ADAMTS2: variants seen among roughly 807,000 people sequenced by gnomAD.
ADAMTS2 encodes the protein ADAM metallopeptidase with thrombospondin type 1 motif 2, also known as A disintegrin and metalloproteinase with thrombospondin motifs 2.
ADAMTS2 carries 50 observed loss-of-function variants against 123.0 expected under a neutral mutation model. That is an observed-to-expected ratio of 0.41 (90% CI 0.32 to 0.51). ADAMTS2 has a LOEUF of 0.51. Among genes scored for constraint, ADAMTS2 ranks in the 20% least tolerant of loss-of-function variants. The pLI is 0.35. For synonymous variants in ADAMTS2, 678 were observed against 695.4 expected (o/e 0.98, Z 0.39); for missense variants, 1,494 against 1,705.2 (o/e 0.88, Z 2.18).
At position 179,116,865 on chromosome 5, in the gene ADAMTS2, A is replaced by G. The variant is rs539121981; in HGVS notation, c.3179-2541T>C. ...CACCATGAAAAGGGAGTTAAAACCCATCGGCCATCAGGAGAAGTGGGGATC... is the reference window on the plus strand; with the variant it reads ...CACCATGAAAAGGGAGTTAAAACCCGTCGGCCATCAGGAGAAGTGGGGATC... On this transcript the variant is annotated intron_variant, in intron 21 of 21. Coordinates refer to ENST00000251582, the MANE Select transcript of ADAMTS2 (RefSeq NM_014244.5). Among the ~76,000 whole-genome samples, 3 of 152,278 alleles carry G rather than the reference A, an allele frequency of 2.0e-5. No individual in the cohort carries two copies. The East Asian group carries it at 5.8e-4, about 29-fold the overall frequency.
chr5:179,125,354 T>C (rs1208242267), intron 18 of ADAMTS2, among the ~76,000 whole-genome samples, 174 bp from the exon 19 acceptor site: 1 of 152,198 alleles, frequency 6.6e-6, no homozygotes, highest in East Asian at 1.9e-4. Flanking sequence ...TGTCCAGGCT[T>C]GCACAGAGGG....
At chr5:179,153,462 G>T in intron 9 of ADAMTS2, 29 bp downstream of exon 9, 1 of 1,604,102 alleles carries the variant, frequency 6.2e-7, no homozygotes, top group Non-Finnish European at 8.5e-7. Context: ...AGACCTGGGA[G>T]GGTCCCGGCT....
chr5:179,253,318 C>T (rs1581221895), intron 3 of ADAMTS2, among the ~76,000 whole-genome samples: 1 of 152,198 alleles, frequency 6.6e-6, no homozygotes, highest in Non-Finnish European at 1.5e-5. Flanking sequence ...GTTTTTCTGT[C>T]CTTTTTTCTC....
intron 2 of ADAMTS2, among the ~76,000 whole-genome samples, chr5:179,274,852 G>A (rs907838675): frequency 6.6e-6 from 1 of 152,248 alleles, no homozygotes; most frequent in African/African-American, 2.4e-5. Context: ...GGAACACAGA[G>A]CCCAGCATCA....
At chr5:179,339,373 T>C (rs1396645417) in intron 2 of ADAMTS2, among the ~76,000 whole-genome samples, 1 of 152,158 alleles carries the variant, frequency 6.6e-6, no homozygotes, top group Non-Finnish European at 1.5e-5. Flanking sequence ...AATTCTGAAA[T>C]GAACACTGAG....
chr5:179,132,665 C>T lies in ADAMTS2; in HGVS notation c.2209+112G>A, dbSNP rs1353291993. On this transcript the variant is annotated intron_variant, in intron 14 of 21. Transcript: ENST00000251582. This position sits in a 1 kb window ranked among gnomAD's most constrained non-coding sequence, Gnocchi z 6.1. Reference sequence around the variant, plus strand: ...AGTGTCACAGACCTCTCCCCCTCCCCAGAACAGTCATAAGCCCGGACAGCC... The same window carrying T: ...AGTGTCACAGACCTCTCCCCCTCCCTAGAACAGTCATAAGCCCGGACAGCC... 2.9e-5 allele frequency: 44 copies of T among 1,505,948 alleles called. No individual in the cohort carries two copies. Among genetic ancestry groups the T allele is most frequent in the Admixed American group, 5.1e-5 (3 of 59,268 alleles). 93.3% of individuals were successfully genotyped at this position (1,505,948 alleles called of 1,614,324 possible). A position where few individuals can be genotyped will look rare whatever the true frequency, so the allele number is the denominator to read the frequency against.
chr5:179,114,449 C>A, intron 21 of ADAMTS2, 125 bp from the exon 22 acceptor site: 1 of 951,146 alleles, frequency 1.1e-6, no homozygotes, highest in South Asian at 1.4e-5. Flanking sequence ...GGCAAGTGAG[C>A]CCAGGCAGAA....
intron 6 of ADAMTS2, among the ~76,000 whole-genome samples, chr5:179,157,631 G>A (rs952827381): frequency 2.6e-5 from 4 of 151,318 alleles, no homozygotes; most frequent in African/African-American, 9.7e-5. Context: ...TCAGGTTCCC[G>A]AGTGGCTGGG....
rs1764010348 is a variant in ADAMTS2, at chr5:179,180,013, C to T, written c.975+1059G>A. Among the ~76,000 whole-genome samples, 1 of 152,154 alleles carries T rather than the reference C, an allele frequency of 6.6e-6. No individual in the cohort carries two copies. Among genetic ancestry groups the T allele is most frequent in the Admixed American group, 6.5e-5 (1 of 15,272 alleles). On this transcript the variant is annotated intron_variant, in intron 5 of 21. Coordinates refer to ENST00000251582, the MANE Select transcript of ADAMTS2 (RefSeq NM_014244.5). This position sits in a 1 kb window ranked among gnomAD's most constrained non-coding sequence, Gnocchi z 4.6. ...GCCTGACTCCTCGGGTGCTGGATGGCCCTGGCTGCTTACCTGGGCATGTCA... is the reference window on the plus strand; with the variant it reads ...GCCTGACTCCTCGGGTGCTGGATGGTCCTGGCTGCTTACCTGGGCATGTCA...
intron 2 of ADAMTS2, among the ~76,000 whole-genome samples, chr5:179,305,883 ATGCATGATTTCCTCAAAAACTATAAGC>A (rs2113566949): frequency 6.6e-6 from 1 of 152,356 alleles, no homozygotes; most frequent in South Asian, 2.1e-4. Context: ...TGTTGAAGAA[ATGCATGATTTCCTCAAAAACTATAAGC>A]TACCAAAACT....
chr5:179,311,067 C>T (rs553393073), intron 2 of ADAMTS2, among the ~76,000 whole-genome samples: 4 of 151,054 alleles, frequency 2.6e-5, no homozygotes, highest in African/African-American at 7.3e-5. Flanking sequence ...GTGCAGGGCC[C>T]GTTGACTCCT....
chr5:179,215,784 T>C (rs1298182021), intron 3 of ADAMTS2, among the ~76,000 whole-genome samples: 1 of 151,792 alleles, frequency 6.6e-6, no homozygotes, highest in Non-Finnish European at 1.5e-5. Context: ...AGGGGGAAAA[T>C]CAGGTTACAG....
intron 3 of ADAMTS2, among the ~76,000 whole-genome samples, chr5:179,249,385 G>A (rs938838999): frequency 3.3e-5 from 5 of 151,814 alleles, no homozygotes; most frequent in Non-Finnish European, 5.9e-5. Context: ...GCAGAAAAAA[G>A]GAAATAATCA....
At position 179,128,213 on chromosome 5, in the gene ADAMTS2, A is replaced by G. The variant is rs1762895905; in HGVS notation, c.2458-95T>C. 3 of 1,482,082 alleles carry G rather than the reference A, an allele frequency of 2.0e-6. No homozygotes were observed. The highest frequency in any genetic ancestry group is 3.6e-5 in the Admixed American group (2 of 55,138). 91.8% of individuals were successfully genotyped at this position (1,482,082 alleles called of 1,614,324 possible). A position where few individuals can be genotyped will look rare whatever the true frequency, so the allele number is the denominator to read the frequency against. On this transcript the variant is annotated intron_variant, in intron 16 of 21. Coordinates refer to ENST00000251582, the MANE Select transcript of ADAMTS2 (RefSeq NM_014244.5). The surrounding 1 kb of genome is among the most constrained non-coding windows in gnomAD (Gnocchi z 4.9). Reference sequence around the variant, plus strand: ...CGGCAGCTGAGGCCGACTCCAGAGGAGTCTCATCATTCATGGCAGTTACAT... The same window carrying G: ...CGGCAGCTGAGGCCGACTCCAGAGGGGTCTCATCATTCATGGCAGTTACAT...
At chr5:179,223,545 C>T (rs1369736749) in intron 3 of ADAMTS2, among the ~76,000 whole-genome samples, 4 of 140,892 alleles carry the variant, frequency 2.8e-5, no homozygotes, top group South Asian at 2.3e-4. Flanking sequence ...CACACTCACA[C>T]GAATGCACTC....
In ADAMTS2 at chr5:179,154,150, G is replaced by A. The variant is rs34424371; in HGVS notation, c.1281C>T (p.Asp427=). 7,680 of 1,578,486 alleles carry A rather than the reference G, an allele frequency of 4.9e-3. 316 individuals carry two copies. In the African/African-American group the frequency reaches 0.085, roughly 18 times the overall value. ...CCATGATGCTGCCCAGCCGCACCTC[G>A]TCGCCACAGCGGTTGCCCTGCCCGT... The part of the protein sequence containing the change: ...EHDGQGNRCG[D]EVRLGSIMAP... The change falls in exon 8 of 22, where the codon GAC becomes GAT. Residue 427 remains aspartate (D), a synonymous_variant. Coordinates refer to ENST00000251582, the MANE Select transcript of ADAMTS2 (RefSeq NM_014244.5).
chr5:179,274,856 A>G (rs1329992239), intron 2 of ADAMTS2, among the ~76,000 whole-genome samples: 1 of 152,260 alleles, frequency 6.6e-6, no homozygotes, highest in African/African-American at 2.4e-5. Context: ...CACAGAGCCC[A>G]GCATCAGGCC....
chr5:179,170,911 C>T lies in ADAMTS2; in HGVS notation c.975+10161G>A, dbSNP rs2113291802. ...CTCCTCCCACGTTCATCAGACACCT[C>T]AGAGACCTGAAAACAGGGCCTCCCC... On this transcript the variant is annotated intron_variant, in intron 5 of 21. Coordinates refer to ENST00000251582, the MANE Select transcript of ADAMTS2 (RefSeq NM_014244.5). This position sits in a 1 kb window ranked among gnomAD's most constrained non-coding sequence, Gnocchi z 4.3. Among the ~76,000 whole-genome samples, 1 of 152,326 alleles carries T rather than the reference C, an allele frequency of 6.6e-6. No individual in the cohort carries two copies. Among genetic ancestry groups the T allele is most frequent in the South Asian group, 2.1e-4 (1 of 4,816 alleles).
intron 3 of ADAMTS2, among the ~76,000 whole-genome samples, chr5:179,233,094 C>T (rs1765447569): frequency 6.6e-6 from 1 of 152,188 alleles, no homozygotes; most frequent in Non-Finnish European, 1.5e-5. Flanking sequence ...TCTGAGAAAT[C>T]ACCACTGTTT....
Sources: gnomAD v4.1 joint callset for allele counts (sites outside exome capture counted in the v4.1 genomes callset) on GRCh38, gnomAD v4.1.1 for gene constraint, Gnocchi (gnomAD v3.1) non-coding constraint, MANE v1.5 for transcripts, NCBI Gene and HGNC (gene_info 2026-07-23, HGNC 2026-07-21) for gene names.